GNAO1: variants seen among roughly 807,000 people sequenced by gnomAD.
GNAO1 encodes the protein guanine nucleotide-binding protein G(o) subunit alpha.
For synonymous variants in GNAO1, 164 were observed against 180.7 expected (o/e 0.91, Z 0.74); for missense variants, 166 against 478.7 (o/e 0.35, Z 6.10).
intron 2 of GNAO1, among the ~76,000 whole-genome samples, chr16:56,204,562 G>A (rs998636527): frequency 1.3e-5 from 2 of 152,146 alleles, no homozygotes; most frequent in East Asian, 3.9e-4. Context: ...AACCCAGAGC[G>A]CCCTGCCACA....
At chr16:56,286,986 T>G (rs987801434) in intron 3 of GNAO1, among the ~76,000 whole-genome samples, 11 of 151,730 alleles carry the variant, frequency 7.2e-5, no homozygotes, top group Non-Finnish European at 1.2e-4. Context: ...TGTCGTAGGG[T>G]GGAGGGCCGG....
chr16:56,235,046 C>T (rs1405293354), intron 2 of GNAO1: 2 of 315,040 alleles, frequency 6.3e-6, no homozygotes, highest in Admixed American at 4.3e-5. Flanking sequence ...TGCTGCGGCA[C>T]TTGAGTTCTG....
intron 2 of GNAO1, among the ~76,000 whole-genome samples, chr16:56,222,016 A>G (rs1035006996): frequency 6.6e-6 from 1 of 152,188 alleles, no homozygotes; most frequent in African/African-American, 2.4e-5. Flanking sequence ...AACTTAGGAA[A>G]AGAGCTGGAA....
chr16:56,216,932 T>C (rs1406567707), intron 2 of GNAO1, among the ~76,000 whole-genome samples: 1 of 152,308 alleles, frequency 6.6e-6, no homozygotes, highest in African/African-American at 2.4e-5. Flanking sequence ...ACCCACAGGA[T>C]TGTAGTAAGG....
intron 5 of GNAO1, 64 bp downstream of exon 5, chr16:56,334,921 G>A (rs2037726193): frequency 6.4e-6 from 10 of 1,570,402 alleles, no homozygotes; most frequent in Non-Finnish European, 8.7e-6. Context: ...CAGCCTCTCA[G>A]CGCATTGCGT....
intron 4 of GNAO1, chr16:56,329,118 GT>G: frequency 4.4e-6 from 1 of 225,916 alleles, no homozygotes; most frequent in Non-Finnish European, 8.6e-6. Context: ...TAGCAGCTTT[GT>G]TTTTTTATAG....
At chr16:56,273,285 C>G (rs568427909) in intron 2 of GNAO1, among the ~76,000 whole-genome samples, 1 of 152,250 alleles carries the variant, frequency 6.6e-6, no homozygotes, top group African/African-American at 2.4e-5. Flanking sequence ...CAAGTTCACT[C>G]ATCTTCTGTA....
At chr16:56,279,555 G>A (rs542926105) in intron 3 of GNAO1, among the ~76,000 whole-genome samples, 2 of 152,238 alleles carry the variant, frequency 1.3e-5, no homozygotes, top group South Asian at 4.2e-4. Context: ...ACGTGGAACT[G>A]CCCCACTCAG....
intron 2 of GNAO1, among the ~76,000 whole-genome samples, chr16:56,262,590 C>T (rs1022452370): frequency 6.6e-6 from 1 of 152,118 alleles, no homozygotes; most frequent in South Asian, 2.1e-4. Context: ...CAAAGCTCTG[C>T]AGCCGTACTT....
intron 2 of GNAO1, among the ~76,000 whole-genome samples, chr16:56,201,309 T>G (rs542689295): frequency 6.6e-6 from 1 of 152,344 alleles, no homozygotes; most frequent in Admixed American, 6.5e-5. Context: ...GCAGAGGGAC[T>G]GGCATGTGTA....
intron 2 of GNAO1, among the ~76,000 whole-genome samples, chr16:56,250,998 A>T (rs2036794246): frequency 6.6e-6 from 1 of 152,188 alleles, no homozygotes; most frequent in Non-Finnish European, 1.5e-5. Flanking sequence ...GAAAGAATGA[A>T]TATAAGGTGG....
chr16:56,340,676 G>A (rs2037793384), intron 6 of GNAO1: 1 of 687,632 alleles, frequency 1.5e-6, no homozygotes, highest in Non-Finnish European at 2.6e-6. Flanking sequence ...GTCTGTCCTT[G>A]TGGGTCCTCC....
At chr16:56,341,055 C>T in intron 6 of GNAO1, 62 of 1,303,670 alleles carry the variant, frequency 4.8e-5, no homozygotes, top group Non-Finnish European at 6.6e-5. Context: ...CCAGTCCACC[C>T]TTCCTGTGCT....
chr16:56,306,069 G>A (rs146333611), intron 3 of GNAO1, among the ~76,000 whole-genome samples: 66 of 152,302 alleles, frequency 4.3e-4, no homozygotes, highest in African/African-American at 1.4e-3. Context: ...GATGAAGCTC[G>A]TGGATCAGCA....
At chr16:56,227,491 C>G (rs2036542286) in intron 2 of GNAO1, among the ~76,000 whole-genome samples, 1 of 152,054 alleles carries the variant, frequency 6.6e-6, no homozygotes, top group Non-Finnish European at 1.5e-5. Flanking sequence ...CTGACCACTG[C>G]CAGCTACCTA....
intron 2 of GNAO1, among the ~76,000 whole-genome samples, chr16:56,210,400 A>G (rs183137182): frequency 6.6e-6 from 1 of 152,344 alleles, no homozygotes; most frequent in East Asian, 1.9e-4. Context: ...TTGTGTGGAC[A>G]TAAGTTTTTA....
At chr16:56,218,183 T>C (rs905532365) in intron 2 of GNAO1, among the ~76,000 whole-genome samples, 14 of 152,256 alleles carry the variant, frequency 9.2e-5, no homozygotes, top group Non-Finnish European at 2.9e-5. Flanking sequence ...CATGTCTCTT[T>C]ATTTCCTTTC....
chr16:56,323,722 A>G (rs1218203012), intron 3 of GNAO1, among the ~76,000 whole-genome samples: 1 of 151,666 alleles, frequency 6.6e-6, no homozygotes, highest in African/African-American at 2.4e-5. Context: ...AAATTTCTGG[A>G]TTCTTTTTGT....
rs1414004433 is a variant in GNAO1 at position 56,357,001 on chromosome 16, A to T, written c.*927A>T. On this transcript the variant is annotated 3_prime_UTR_variant, in exon 9 of 9. Transcript: ENST00000262493. The stretch of plus-strand genomic sequence containing the variant: ...CCTGTGTCCGCTCTCTCATGTGGGG[A>T]TGTTTGTGCTGCAGACAAAAAGAAC... 6.6e-6 allele frequency: 1 copy of T among 151,050 alleles called. No homozygotes were observed. Among genetic ancestry groups the T allele is most frequent in the Non-Finnish European group, 1.5e-5 (1 of 67,788 alleles). 9.4% of individuals were successfully genotyped at this position (151,050 alleles called of 1,614,324 possible).
Sources: gnomAD v4.1 joint callset for allele counts (sites outside exome capture counted in the v4.1 genomes callset) on GRCh38, gnomAD v4.1.1 for gene constraint, MANE v1.5 for transcripts, NCBI Gene and HGNC (gene_info 2026-07-23, HGNC 2026-07-21) for gene names.